Variants in PRKG1 observed in about 807,000 individuals in gnomAD.
PRKG1 encodes cGMP-dependent protein kinase 1.
Under a neutral mutation model 88.1 loss-of-function variants are expected in PRKG1, and 35 were observed. That is an observed-to-expected ratio of 0.40 (90% CI 0.30 to 0.53). PRKG1 has a LOEUF of 0.53. Among genes scored for constraint, PRKG1 ranks in the 20% least tolerant of loss-of-function variants. The probability of loss-of-function intolerance (pLI) is 0.59; values close to 1 mark genes in which losing one functional copy is unlikely to be tolerated. For missense variants in PRKG1, 540 were observed against 839.8 expected, an observed-to-expected ratio of 0.64 and a Z score of 4.41; for synonymous variants, 303 against 292.5, an observed-to-expected ratio of 1.04 and a Z score of -0.37.
At chr10:52,108,832 T>TA (rs1437624334) in intron 7 of PRKG1, among the ~76,000 whole-genome samples, 1 of 136,770 alleles carries the variant, frequency 7.3e-6, no homozygotes. Context: ...TTCCTTTTTT[T>TA]TTTTTTTTTT....
intron 2 of PRKG1, among the ~76,000 whole-genome samples, chr10:51,188,050 G>C (rs889792919): frequency 6.6e-6 from 1 of 151,970 alleles, no homozygotes; most frequent in African/African-American, 2.4e-5. Flanking sequence ...AATGTGAATG[G>C]AAAATTAGGA....
intron 5 of PRKG1, among the ~76,000 whole-genome samples, chr10:52,028,519 G>A (rs569430893): frequency 6.6e-6 from 1 of 152,166 alleles, no homozygotes; most frequent in African/African-American, 2.4e-5. Flanking sequence ...ATCCCCTCAA[G>A]CATAAGTTCT....
chr10:51,718,418 GAT>G (rs1415242467), intron 3 of PRKG1, among the ~76,000 whole-genome samples: 2 of 152,110 alleles, frequency 1.3e-5, no homozygotes, highest in Non-Finnish European at 2.9e-5. Context: ...AGTGAGGAGT[GAT>G]ATGAGATAGA....
At chr10:51,813,385 G>C (rs541044445) in intron 4 of PRKG1, among the ~76,000 whole-genome samples, 1 of 152,070 alleles carries the variant, frequency 6.6e-6, no homozygotes. Flanking sequence ...TTACATTTAG[G>C]TGCAATAAAA....
intron 3 of PRKG1, among the ~76,000 whole-genome samples, chr10:51,670,722 C>T (rs934139718): frequency 1.4e-5 from 2 of 141,972 alleles, no homozygotes; most frequent in African/African-American, 2.6e-5. Flanking sequence ...GGCGACAGAG[C>T]GAGACTCCGT....
At chr10:51,226,294 G>C (rs1334610705) in intron 2 of PRKG1, among the ~76,000 whole-genome samples, 1 of 152,178 alleles carries the variant, frequency 6.6e-6, no homozygotes, top group Admixed American at 6.5e-5. Flanking sequence ...AGAAAAAGTT[G>C]ATTACTAAGA....
chr10:51,007,130 G>C (rs111638956), intron 1 of PRKG1, among the ~76,000 whole-genome samples: 2 of 151,652 alleles, frequency 1.3e-5, no homozygotes, highest in East Asian at 1.9e-4. Context: ...GTAGAGATGT[G>C]GGGGGTGGGT....
At chr10:51,796,813 G>T (rs1301716006) in intron 3 of PRKG1, among the ~76,000 whole-genome samples, 1 of 152,046 alleles carries the variant, frequency 6.6e-6, no homozygotes, top group South Asian at 2.1e-4. Context: ...GGACAAAAAA[G>T]TACAGGAAAG....
chr10:52,282,212 G>A lies in PRKG1; in HGVS notation c.1605G>A (p.Gly535=). Residue 535 remains glycine (G), a synonymous_variant, in exon 14 of 18, where the codon GGG becomes GGA. Transcript: ENST00000373980. Reference sequence around the variant, plus strand: ...GAAAGAAAACATGGACTTTTTGTGGGACTCCAGAGTATGTAGCCCCAGAGA... The same window carrying A: ...GAAAGAAAACATGGACTTTTTGTGGAACTCCAGAGTATGTAGCCCCAGAGA... ...GFGKKTWTFC[G]TPEYVAPEII... 6.2e-7 allele frequency: 1 copy of A among 1,609,260 alleles called. No homozygotes were observed. The highest frequency in any genetic ancestry group is 8.5e-7 in the Non-Finnish European group (1 of 1,177,254).
At chr10:52,293,286 T>G (rs1296199498) in intron 17 of PRKG1, among the ~76,000 whole-genome samples, 2 of 151,560 alleles carry the variant, frequency 1.3e-5, no homozygotes, top group African/African-American at 2.4e-5. Context: ...GGAAGAACAT[T>G]CCATGCTCAT....
At chr10:52,221,056 G>A (rs187212759) in intron 9 of PRKG1, among the ~76,000 whole-genome samples, 12 of 145,328 alleles carry the variant, frequency 8.3e-5, no homozygotes, top group African/African-American at 2.5e-4. Flanking sequence ...AACCCCACCC[G>A]CATCTGTTAT....
chr10:51,463,936 G>A (rs986254594), intron 2 of PRKG1, among the ~76,000 whole-genome samples: 1 of 152,170 alleles, frequency 6.6e-6, no homozygotes, highest in Non-Finnish European at 1.5e-5. Flanking sequence ...CAGACACTGT[G>A]TTTTGTTTAT....
intron 4 of PRKG1, among the ~76,000 whole-genome samples, chr10:51,824,566 A>G (rs1839837128): frequency 6.6e-6 from 1 of 152,154 alleles, no homozygotes; most frequent in Non-Finnish European, 1.5e-5. Context: ...GGAATATTTG[A>G]GACTGGGTAA....
intron 3 of PRKG1, among the ~76,000 whole-genome samples, chr10:51,635,506 C>T (rs1839635816): frequency 1.3e-5 from 2 of 151,942 alleles, no homozygotes; most frequent in South Asian, 2.1e-4. Context: ...TGCCCGTGGC[C>T]AAAACTCACT....
chr10:51,680,532 T>G (rs984518134), intron 3 of PRKG1, among the ~76,000 whole-genome samples: 6 of 152,268 alleles, frequency 3.9e-5, no homozygotes, highest in Admixed American at 3.3e-4. Flanking sequence ...AGCAGCATGC[T>G]AGTTTATTCC....
intron 2 of PRKG1, among the ~76,000 whole-genome samples, chr10:51,456,278 C>G (rs1042193222): frequency 6.6e-6 from 1 of 152,148 alleles, no homozygotes; most frequent in African/African-American, 2.4e-5. Flanking sequence ...TCTCCCAAAA[C>G]ACGTGGGAAT....
intron 3 of PRKG1, among the ~76,000 whole-genome samples, chr10:51,669,504 C>T (rs74906283): frequency 6.6e-6 from 1 of 152,248 alleles, no homozygotes; most frequent in African/African-American, 2.4e-5. Context: ...GCTCATAGCA[C>T]ATAATATGGA....
intron 2 of PRKG1, among the ~76,000 whole-genome samples, chr10:51,335,913 T>C (rs958180541): frequency 6.6e-6 from 1 of 152,234 alleles, no homozygotes; most frequent in Non-Finnish European, 1.5e-5. Flanking sequence ...AAGTCAATTA[T>C]GTAGAAACTT....
intron 5 of PRKG1, among the ~76,000 whole-genome samples, chr10:52,029,164 G>A (rs774923562): frequency 6.6e-6 from 1 of 152,018 alleles, no homozygotes; most frequent in Admixed American, 6.6e-5. Context: ...GCTATTCCTC[G>A]GTGAAATCAG....
Sources: gnomAD v4.1 joint callset for allele counts (sites outside exome capture counted in the v4.1 genomes callset) on GRCh38, gnomAD v4.1.1 for gene constraint, MANE v1.5 for transcripts, NCBI Gene and HGNC (gene_info 2026-07-23, HGNC 2026-07-21) for gene names.